Variants in RTL4 observed in about 807,000 individuals in gnomAD.
RTL4 encodes retrotransposon Gag-like protein 4.
RTL4 carries 4 observed loss-of-function variants against 5.3 expected under a neutral mutation model. That is an observed-to-expected ratio of 0.75 (90% CI 0.37 to 1.72). The LOEUF (loss-of-function observed/expected upper bound fraction) is 1.72. RTL4 is among the 40% of genes most tolerant of loss of function. The probability of loss-of-function intolerance (pLI) is 0.04; values close to 1 mark genes in which losing one functional copy is unlikely to be tolerated. For missense variants in RTL4, 260 were observed against 227.1 expected (o/e 1.14, Z -0.93); for synonymous variants, 98 against 87.3 (o/e 1.12, Z -0.68).
chrX:112,421,726 C>T, the RTL4 span, among the ~76,000 whole-genome samples: 1 of 112,104 alleles, frequency 8.9e-6, no homozygotes, highest in East Asian at 2.8e-4. Flanking sequence ...GTGTATAGTA[C>T]ACAGAGTTGA....
the RTL4 span, among the ~76,000 whole-genome samples, chrX:112,313,254 G>GA: frequency 5.5e-5 from 6 of 109,993 alleles, no homozygotes; most frequent in East Asian, 2.8e-4. Context: ...ATGTTTTTTA[G>GA]AAAAAAAATT....
At chrX:112,426,563 T>C in the RTL4 span, among the ~76,000 whole-genome samples, 76 of 111,645 alleles carry the variant, frequency 6.8e-4, no homozygotes, top group Non-Finnish European at 1.3e-3. Context: ...ATCAGAGTTC[T>C]GTAGTGCTTC....
At chrX:112,205,850 T>A in the RTL4 span, among the ~76,000 whole-genome samples, 1 of 112,182 alleles carries the variant, frequency 8.9e-6, no homozygotes, top group East Asian at 2.8e-4. Context: ...TTAAACATGG[T>A]CTAGCAAGAT....
the RTL4 span, among the ~76,000 whole-genome samples, chrX:112,206,092 T>C: frequency 5.4e-5 from 6 of 112,098 alleles, no homozygotes; most frequent in Non-Finnish European, 7.5e-5. Flanking sequence ...CATTTTTCTC[T>C]AGGCACATCT....
chrX:112,271,395 G>A, the RTL4 span, among the ~76,000 whole-genome samples: 2 of 113,301 alleles, frequency 1.8e-5, no homozygotes, highest in African/African-American at 6.4e-5. Flanking sequence ...TGCCAAAAGC[G>A]AACTGCATGC....
chrX:112,427,796 C>G, the RTL4 span, among the ~76,000 whole-genome samples: 2 of 110,459 alleles, frequency 1.8e-5, no homozygotes, highest in Non-Finnish European at 1.9e-5. Flanking sequence ...TCAGTAGTTT[C>G]TGTGGTACAG....
the RTL4 span, among the ~76,000 whole-genome samples, chrX:112,146,570 G>A: frequency 3.6e-5 from 4 of 110,695 alleles, no homozygotes; most frequent in East Asian, 1.1e-3. Flanking sequence ...GAGCTCTGAG[G>A]CAATCCAAAG....
At chrX:112,353,137 C>T in the RTL4 span, among the ~76,000 whole-genome samples, 8 of 111,622 alleles carry the variant, frequency 7.2e-5, no homozygotes, top group Non-Finnish European at 1.5e-4. Context: ...ATTGAAATAC[C>T]ATCTCACACC....
At chrX:112,390,106 AATATATATATATATATATATATATATAT>A in the RTL4 span, among the ~76,000 whole-genome samples, 1,529 of 17,409 alleles carry the variant, frequency 0.088, 81 homozygotes, top group South Asian at 0.24. Flanking sequence ...ATTTATATAT[AATATATATATATATATATATATATATAT>A]ATATATATAT....
chrX:112,112,480 G>A, the RTL4 span, among the ~76,000 whole-genome samples: 2 of 112,015 alleles, frequency 1.8e-5, no homozygotes, highest in Admixed American at 9.5e-5. Flanking sequence ...TTAGCGTGAG[G>A]ATAAGCCAGT....
the RTL4 span, among the ~76,000 whole-genome samples, chrX:112,200,211 G>A: frequency 2.9e-4 from 32 of 111,828 alleles, no homozygotes; most frequent in African/African-American, 9.1e-4. Context: ...ACTTGGCTTT[G>A]TTGTGACCTA....
the RTL4 span, among the ~76,000 whole-genome samples, chrX:112,250,010 C>T: frequency 9.0e-6 from 1 of 110,909 alleles, no homozygotes; most frequent in Non-Finnish European, 1.9e-5. Context: ...GGCGCAGTGG[C>T]TCACGCCTGT....
chrX:112,239,802 A>G, the RTL4 span, among the ~76,000 whole-genome samples: 2 of 111,547 alleles, frequency 1.8e-5, no homozygotes, highest in African/African-American at 6.5e-5. Context: ...CTGAATAACC[A>G]TTTCCGCCCA....
chrX:112,158,542 C>A, the RTL4 span, among the ~76,000 whole-genome samples: 2 of 108,664 alleles, frequency 1.8e-5, no homozygotes, highest in Non-Finnish European at 3.8e-5. Flanking sequence ...ACATAGAATA[C>A]GAATTTTTTT....
the RTL4 span, among the ~76,000 whole-genome samples, chrX:112,113,284 G>GT: frequency 9.1e-6 from 1 of 110,436 alleles, no homozygotes; most frequent in Non-Finnish European, 1.9e-5. Context: ...CAACAAATGG[G>GT]TAACTTGTTA....
the RTL4 span, among the ~76,000 whole-genome samples, chrX:112,144,566 G>T: frequency 1.8e-5 from 2 of 111,615 alleles, 1 homozygote; most frequent in Admixed American, 1.9e-4. Flanking sequence ...GCTAAAAATG[G>T]CTCTCAAACC....
the RTL4 span, among the ~76,000 whole-genome samples, chrX:112,409,723 A>G: frequency 5.8e-4 from 1 of 1,719 alleles, no homozygotes; most frequent in Non-Finnish European, 0.071. Context: ...TCCATCTCGA[A>G]AAAAAAAAAA....
At chrX:112,231,229 T>C in the RTL4 span, among the ~76,000 whole-genome samples, 1 of 111,221 alleles carries the variant, frequency 9.0e-6, no homozygotes, top group African/African-American at 3.3e-5. Context: ...ACTGGGTATA[T>C]ACCCAAAGGA....
chrX:112,206,563 G>T, the RTL4 span, among the ~76,000 whole-genome samples: 1 of 111,138 alleles, frequency 9.0e-6, no homozygotes, highest in Non-Finnish European at 1.9e-5. Context: ...CTGCTCCTTT[G>T]TTATCTCCCC....
Sources: gnomAD v4.1 joint callset for allele counts (sites outside exome capture counted in the v4.1 genomes callset) on GRCh38, gnomAD v4.1.1 for gene constraint, MANE v1.5 for transcripts, NCBI Gene and HGNC (gene_info 2026-07-23, HGNC 2026-07-21) for gene names.